Variants in CFAP36 observed in about 807,000 individuals in gnomAD.
CFAP36 encodes the protein cilia and flagella associated protein 36, also known as cilia- and flagella-associated protein 36.
In CFAP36, 37 loss-of-function variants were observed where a neutral mutation model predicts 50.5. That is an observed-to-expected ratio of 0.73 (90% confidence interval 0.56 to 0.96). CFAP36 has a LOEUF of 0.96. Among genes scored for constraint, CFAP36 ranks in the 50% least tolerant of loss-of-function variants. The pLI is 0.00. For synonymous variants in CFAP36, 138 were observed against 128.2 expected, an observed-to-expected ratio of 1.08 and a Z score of -0.52; for missense variants, 407 against 396.2, an observed-to-expected ratio of 1.03 and a Z score of -0.23.
chr2:55,528,022 T>C (rs1405043385), intron 3 of CFAP36, among the ~76,000 whole-genome samples: 1 of 151,152 alleles, frequency 6.6e-6, no homozygotes, highest in East Asian at 2.0e-4. Flanking sequence ...ACAAAAAAAT[T>C]AGCAGGGTGA....
Position 55,535,640 on chromosome 2 carries a change from T to C in CFAP36, c.486-72T>C, listed in dbSNP as rs533202621. 157 of 1,111,894 alleles carry C rather than the reference T, an allele frequency of 1.4e-4. No homozygotes were observed. In the African/African-American group the frequency reaches 2.4e-3, roughly 17 times the overall value. The allele number at this position is 1,111,894 out of a possible 1,614,324, so 68.9% of individuals were successfully genotyped here. ...TTATTGTAAGCTTAGGTTAGCATGTTGCTTAGTTGAATATTTGTTCTTTGA... is the reference window on the plus strand; with the variant it reads ...TTATTGTAAGCTTAGGTTAGCATGTCGCTTAGTTGAATATTTGTTCTTTGA... On this transcript the variant is annotated intron_variant, in intron 5 of 9. Transcript: ENST00000349456.
Position 55,528,575 on chromosome 2 carries a change from T to A in CFAP36, c.283-303T>A, listed in dbSNP as rs1684270490. Among the ~76,000 whole-genome samples the A allele has an allele frequency of 1.3e-5, 2 of 152,008 alleles. 1 individual carries two copies. The highest frequency in any genetic ancestry group is 4.1e-4 in the South Asian group (2 of 4,820). ...CACCTGGCTAATTTTTTTATTTTTTTAGTAGAGATGGGGTTTCACCATGTT... is the reference window on the plus strand; with the variant it reads ...CACCTGGCTAATTTTTTTATTTTTTAAGTAGAGATGGGGTTTCACCATGTT... On this transcript the variant is annotated intron_variant, in intron 3 of 9. Transcript: ENST00000349456.
At position 55,544,214 on chromosome 2, in the gene CFAP36, A is replaced by G; in HGVS notation, c.778-6A>G. The stretch of plus-strand genomic sequence containing the variant: ...TTTAGATAGCTCCTTTTCTTACTTG[A>G]CCCAGAACTTATCAGTACTTGGAAC... On this transcript the variant is annotated splice_region_variant and splice_polypyrimidine_tract_variant and intron_variant, in intron 8 of 9. Transcript: ENST00000349456. The G allele has an allele frequency of 3.1e-6, 5 of 1,612,254 alleles. No individual in the cohort carries two copies. Among genetic ancestry groups the G allele is most frequent in the Non-Finnish European group, 3.4e-6 (4 of 1,179,592 alleles).
rs567756646 is a variant in CFAP36, at chr2:55,520,953, C to T, written c.115+1037C>T. ...AGTGTTTGAATGGATCTGATAGCGA[C>T]TTAATAGGGTTAGAGGGATTCAGCT... On this transcript the variant is annotated intron_variant, in intron 1 of 9. Transcript: ENST00000349456. Among the ~76,000 whole-genome samples the T allele has an allele frequency of 9.9e-5, 15 of 152,268 alleles. No individual in the cohort carries two copies. The South Asian group carries it at 3.1e-3, about 32-fold the overall frequency.
intron 4 of CFAP36, among the ~76,000 whole-genome samples, chr2:55,532,723 G>T (rs970541854): frequency 4.6e-5 from 7 of 152,184 alleles, no homozygotes; most frequent in African/African-American, 1.7e-4. Flanking sequence ...ACATCAGGAG[G>T]ATTAGAGTAA....
intron 1 of CFAP36, chr2:55,520,409 C>G: frequency 6.5e-7 from 1 of 1,544,358 alleles, no homozygotes; most frequent in Non-Finnish European, 8.7e-7. Context: ...CAACAGTTAA[C>G]TGCAAAGGAG....
chr2:55,545,019 C>A lies in CFAP36; in HGVS notation c.*11C>A. 6.9e-7 allele frequency: 1 copy of A among 1,438,962 alleles called. No individual in the cohort carries two copies. The highest frequency in any genetic ancestry group is 9.5e-7 in the Non-Finnish European group (1 of 1,048,944). The allele number at this position is 1,438,962 out of a possible 1,614,324, so 89.1% of individuals were successfully genotyped here. ...GTTATTAATAAGTAATAATTAAGAA[C>A]AATTTAACAAAATGGAAGTTCAAAT... is the stretch of plus-strand genomic sequence containing the variant. On this transcript the variant is annotated 3_prime_UTR_variant, in exon 10 of 10. Transcript: ENST00000349456.
At chr2:55,543,765 T>A (rs1198490881) in intron 7 of CFAP36, among the ~76,000 whole-genome samples, 173 bp from the exon 8 acceptor site, 2 of 152,156 alleles carry the variant, frequency 1.3e-5, no homozygotes, top group African/African-American at 4.8e-5. Context: ...AGACATGATG[T>A]TTACTGTTCT....
intron 6 of CFAP36, 68 bp downstream of exon 6, chr2:55,535,831 T>A (rs768965084): frequency 4.5e-4 from 669 of 1,494,848 alleles, no homozygotes; most frequent in Non-Finnish European, 5.6e-4. Flanking sequence ...CACCTAGATC[T>A]TACTATTAAA....
intron 1 of CFAP36, 152 bp downstream of exon 1, chr2:55,520,068 C>T (rs1434383341): frequency 1.4e-6 from 1 of 693,154 alleles, no homozygotes; most frequent in East Asian, 2.7e-5. Context: ...CCTTCTCCAC[C>T]CGCGTCATCA....
intron 3 of CFAP36, among the ~76,000 whole-genome samples, chr2:55,525,207 T>C (rs1684174266): frequency 1.3e-5 from 2 of 152,036 alleles, no homozygotes; most frequent in Admixed American, 1.3e-4. Context: ...ATCCCAGCAC[T>C]TTGGGAGACC....
intron 7 of CFAP36, among the ~76,000 whole-genome samples, chr2:55,537,820 G>C (rs1174810876): frequency 6.6e-6 from 1 of 152,216 alleles, no homozygotes; most frequent in Non-Finnish European, 1.5e-5. Flanking sequence ...CCAGAGTAGA[G>C]AGCAAAACTC....
At chr2:55,537,443 TTG>T (rs746777368) in intron 6 of CFAP36, 38 bp from the exon 7 acceptor site, 3 of 1,316,826 alleles carry the variant, frequency 2.3e-6, no homozygotes, top group South Asian at 2.5e-5. Flanking sequence ...TGAATCTAAA[TTG>T]TGTGTTTTTT....
intron 3 of CFAP36, among the ~76,000 whole-genome samples, chr2:55,526,697 C>T (rs554420250): frequency 2.0e-5 from 3 of 152,202 alleles, no homozygotes; most frequent in South Asian, 4.1e-4. Context: ...CCTGCCTCAC[C>T]CTCCCAAAGC....
intron 7 of CFAP36, among the ~76,000 whole-genome samples, chr2:55,542,325 AT>A (rs1345036946): frequency 1.3e-5 from 2 of 152,192 alleles, no homozygotes; most frequent in African/African-American, 4.8e-5. Context: ...TTTTAAAATA[AT>A]TTTTTTCAAA....
At position 55,544,975 on chromosome 2, in the gene CFAP36, A is replaced by C; in HGVS notation, c.996A>C (p.Ala332=). 6.2e-7 allele frequency: 1 copy of C among 1,602,270 alleles called. No individual in the cohort carries two copies. Among genetic ancestry groups the C allele is most frequent in the Admixed American group, 1.7e-5 (1 of 58,314 alleles). Residue 332 remains alanine (A), a synonymous_variant, in exon 10 of 10, where the codon GCA becomes GCC. Transcript: ENST00000349456. The stretch of plus-strand genomic sequence containing the variant: ...CATTACTAAAGAGGAGATTGCTTGC[A>C]GAGAAACTCAAAGAAGAAGTTATTA... The part of the protein sequence containing the change: ...KQTLLKRRLL[A]EKLKEEVINK
chr2:55,531,739 A>G (rs1013070918), intron 4 of CFAP36, among the ~76,000 whole-genome samples: 3 of 152,124 alleles, frequency 2.0e-5, no homozygotes, highest in East Asian at 1.9e-4. Flanking sequence ...CTCAGGTCCT[A>G]TTGATTAGGA....
chr2:55,530,578 C>T (rs1684329513), intron 4 of CFAP36, among the ~76,000 whole-genome samples: 1 of 152,232 alleles, frequency 6.6e-6, no homozygotes, highest in South Asian at 2.1e-4. Context: ...CTTAAGTTCA[C>T]TTTCTCTCTA....
intron 3 of CFAP36, among the ~76,000 whole-genome samples, chr2:55,524,421 A>G (rs1684147762): frequency 9.1e-6 from 1 of 109,716 alleles, no homozygotes. Context: ...ACACATGGCT[A>G]ATTTTTTTTT....
Sources: gnomAD v4.1 joint callset for allele counts (sites outside exome capture counted in the v4.1 genomes callset) on GRCh38, gnomAD v4.1.1 for gene constraint, MANE v1.5 for transcripts, NCBI Gene and HGNC (gene_info 2026-07-23, HGNC 2026-07-21) for gene names.